The following FAM184B variants were observed in gnomAD, a reference collection of about 807,000 sequenced individuals.
FAM184B encodes the protein family with sequence similarity 184 member B.
In FAM184B, 111 loss-of-function variants were observed where a neutral mutation model predicts 135.9. The ratio of observed to expected loss-of-function variants is 0.82; its 90% CI spans 0.70 to 0.96. The LOEUF (loss-of-function observed/expected upper bound fraction) is 0.96, where lower values mean the gene tolerates loss of function less well. Among genes scored for constraint, FAM184B ranks in the 40% least tolerant of loss-of-function variants. The pLI, the probability that FAM184B is intolerant of heterozygous loss-of-function variation, is 0.00. For missense variants in FAM184B, 1,375 were observed against 1,323.9 expected, an observed-to-expected ratio of 1.04 and a Z score of -0.60; for synonymous variants, 552 against 524.8, an observed-to-expected ratio of 1.05 and a Z score of -0.71.
chr4:17,632,604 G>A lies in FAM184B; in HGVS notation c.3111C>T (p.Ala1037=). Residue 1037 remains alanine (A), a synonymous_variant, in exon 18 of 18, where the codon GCC becomes GCT. Transcript: ENST00000265018. ...GTTTCTGCTGGACTTCTTTGGCTTG[G>A]GCCGTTTCACCATCTGGGGTCCTAA... is the stretch of plus-strand genomic sequence containing the variant. ...TATRTPDGET[A]QAKEVQQKQG... is the part of the protein sequence containing the mutation. 1.3e-6 allele frequency: 2 copies of A among 1,550,804 alleles called. No individual in the cohort carries two copies. Among genetic ancestry groups the A allele is most frequent in the Non-Finnish European group, 8.7e-7 (1 of 1,146,642 alleles).
rs1285012080 is a variant in FAM184B at position 17,709,392 on chromosome 4, T to C, written c.394A>G (p.Arg132Gly). 2 of 1,522,652 alleles carry C rather than the reference T, an allele frequency of 1.3e-6. No homozygotes were observed. The highest frequency in any genetic ancestry group is 4.9e-5 in the East Asian group (2 of 40,506). 94.3% of individuals were successfully genotyped at this position (1,522,652 alleles called of 1,614,324 possible). A position where few individuals can be genotyped will look rare whatever the true frequency, so the allele number is the denominator to read the frequency against. The stretch of plus-strand genomic sequence containing the variant: ...TGCTCTGCCTCCACCCTCAGCTCTC[T>C]CTCCTTCGTCTCCAGCCTGCACGAG... ...SASCRLETKE[R>G]ELRVEAEHAE... Residue 132 changes from arginine to glycine, a missense_variant, in exon 2 of 18, where the codon AGA becomes GGA. By Grantham distance (125) the Arg-to-Gly change is moderately radical. Coordinates refer to ENST00000265018, the MANE Select transcript of FAM184B (RefSeq NM_015688.2).
At position 17,707,589 on chromosome 4, in the gene FAM184B, C is replaced by T; in HGVS notation, c.1030+60G>A. ...TAGCAGGCTTAGGCTGCCAGTAGCA[C>T]CAGACCAACCTGGCAGCTAACCTTG... On this transcript the variant is annotated intron_variant, in intron 3 of 17. Transcript: ENST00000265018. The T allele has an allele frequency of 3.2e-6, 5 of 1,540,532 alleles. No individual in the cohort carries two copies. The South Asian group carries it at 6.1e-5, about 19-fold the overall frequency.
intron 5 of FAM184B, among the ~76,000 whole-genome samples, chr4:17,696,558 T>A (rs1378144742): frequency 1.3e-5 from 2 of 152,154 alleles, no homozygotes; most frequent in Non-Finnish European, 2.9e-5. Context: ...ACGCCTATAA[T>A]CCCAACACTT....
intron 6 of FAM184B, among the ~76,000 whole-genome samples, chr4:17,691,452 G>A (rs1716732337): frequency 6.6e-6 from 1 of 151,972 alleles, no homozygotes; most frequent in South Asian, 2.1e-4. Flanking sequence ...TCGGGAGGCA[G>A]AGATGGGTGG....
At chr4:17,739,094 C>T (rs1717968320) in intron 1 of FAM184B, among the ~76,000 whole-genome samples, 1 of 152,236 alleles carries the variant, frequency 6.6e-6, no homozygotes, top group South Asian at 2.1e-4. Context: ...CCTGTGCCTG[C>T]AAGGCACCAT....
chr4:17,636,461 GC>G, intron 15 of FAM184B, 66 bp downstream of exon 15: 1 of 1,209,682 alleles, frequency 8.3e-7, no homozygotes. Context: ...GCAAGTGAAC[GC>G]CCCTCCCGGG....
intron 1 of FAM184B, among the ~76,000 whole-genome samples, chr4:17,748,981 C>T (rs1222846262): frequency 6.7e-6 from 1 of 149,080 alleles, no homozygotes; most frequent in East Asian, 2.0e-4. Context: ...TGCTTGCCAG[C>T]ACACCCAGCT....
intron 1 of FAM184B, among the ~76,000 whole-genome samples, chr4:17,749,452 A>C (rs1718245802): frequency 1.3e-5 from 2 of 152,250 alleles, no homozygotes; most frequent in South Asian, 4.2e-4. Flanking sequence ...GGATTCTAGG[A>C]AAAAATAAAA....
At chr4:17,645,307 T>C (rs1035865884) in intron 12 of FAM184B, among the ~76,000 whole-genome samples, 8 of 152,160 alleles carry the variant, frequency 5.3e-5, no homozygotes, top group Non-Finnish European at 1.2e-4. Context: ...GGAGGCATCA[T>C]GCTACCTGAC....
intron 8 of FAM184B, 52 bp from the exon 9 acceptor site, chr4:17,660,139 C>A: frequency 1.3e-6 from 2 of 1,537,896 alleles, no homozygotes; most frequent in South Asian, 2.4e-5. Flanking sequence ...CTAGGAATGA[C>A]ACTGCCACTC....
At chr4:17,738,268 C>T (rs1174477946) in intron 1 of FAM184B, among the ~76,000 whole-genome samples, 1 of 151,980 alleles carries the variant, frequency 6.6e-6, no homozygotes, top group Non-Finnish European at 1.5e-5. Context: ...TGACCAGTGG[C>T]CCTGCTCTCC....
chr4:17,687,666 A>G (rs1716618374), intron 7 of FAM184B, among the ~76,000 whole-genome samples: 1 of 152,170 alleles, frequency 6.6e-6, no homozygotes. Flanking sequence ...CTCAGAGACA[A>G]GGGGAAAGAG....
chr4:17,650,964 C>A (rs946187423), intron 11 of FAM184B, among the ~76,000 whole-genome samples: 6 of 152,018 alleles, frequency 3.9e-5, no homozygotes, highest in Non-Finnish European at 8.8e-5. Context: ...GAACTACTGA[C>A]CTCACGTGAT....
chr4:17,678,198 G>A (rs536846696), intron 7 of FAM184B, among the ~76,000 whole-genome samples: 7 of 152,170 alleles, frequency 4.6e-5, no homozygotes, highest in African/African-American at 1.7e-4. Context: ...AAGAAATAAA[G>A]GGCATCCAAA....
intron 10 of FAM184B, among the ~76,000 whole-genome samples, chr4:17,657,783 A>G (rs1351405610): frequency 6.6e-6 from 1 of 150,586 alleles, no homozygotes; most frequent in Non-Finnish European, 1.5e-5. Flanking sequence ...CAGCCTCCCA[A>G]GTAGCTGGGA....
At chr4:17,657,992 C>T (rs567842908) in intron 10 of FAM184B, among the ~76,000 whole-genome samples, 30 of 152,236 alleles carry the variant, frequency 2.0e-4, no homozygotes, top group African/African-American at 6.3e-4. Context: ...CTGCTCTCTT[C>T]GTTTTTAGCT....
intron 7 of FAM184B, among the ~76,000 whole-genome samples, chr4:17,684,158 A>T (rs907447415): frequency 1.4e-5 from 2 of 146,112 alleles, no homozygotes; most frequent in Non-Finnish European, 3.0e-5. Context: ...TTATATAATA[A>T]AATATAATAT....
At chr4:17,760,970 G>A (rs1718533086) in intron 1 of FAM184B, among the ~76,000 whole-genome samples, 1 of 152,196 alleles carries the variant, frequency 6.6e-6, no homozygotes, top group Non-Finnish European at 1.5e-5. Context: ...CCCAACAGTT[G>A]ATTTGCACAG....
At chr4:17,701,622 C>T (rs975533869) in intron 5 of FAM184B, among the ~76,000 whole-genome samples, 2 of 152,200 alleles carry the variant, frequency 1.3e-5, no homozygotes, top group Admixed American at 1.3e-4. Flanking sequence ...ATGACTGAAG[C>T]TTCCCAGTCA....
Sources: allele counts gnomAD v4.1 joint callset (sites outside exome capture counted in the v4.1 genomes callset), GRCh38; gene constraint gnomAD v4.1.1; transcripts MANE v1.5; gene names NCBI Gene and HGNC (gene_info 2026-07-23, HGNC 2026-07-21).